Variants in ASIC2 observed in about 807,000 individuals in gnomAD.
ASIC2 encodes the protein acid-sensing ion channel 2.
A neutral mutation model predicts 57.3 loss-of-function variants in ASIC2; 25 were observed. The observed-to-expected ratio is 0.44, with a 90% confidence interval of 0.32 to 0.61. The LOEUF (loss-of-function observed/expected upper bound fraction) is 0.61. Ranked by LOEUF, ASIC2 falls within the 20% of genes least tolerant of loss-of-function variation. ASIC2 has a pLI of 0.06. For synonymous variants in ASIC2, 319 were observed against 307.5 expected, an observed-to-expected ratio of 1.04 and a Z score of -0.39; for missense variants, 641 against 738.1, an observed-to-expected ratio of 0.87 and a Z score of 1.52.
intron 1 of ASIC2, among the ~76,000 whole-genome samples, chr17:33,402,401 G>A (rs901192875): frequency 3.9e-5 from 6 of 152,094 alleles, no homozygotes; most frequent in African/African-American, 1.4e-4. Context: ...TAGGTATTAA[G>A]CCCAGCATCC....
chr17:33,334,343 A>T (rs1008913393), intron 1 of ASIC2, among the ~76,000 whole-genome samples: 7 of 152,186 alleles, frequency 4.6e-5, no homozygotes, highest in Non-Finnish European at 8.8e-5. Context: ...CATCTGTGGG[A>T]TTCAAATTCA....
intron 1 of ASIC2, among the ~76,000 whole-genome samples, chr17:33,450,204 T>C (rs763068202): frequency 2.0e-5 from 3 of 152,264 alleles, no homozygotes; most frequent in Admixed American, 6.5e-5. Context: ...CTGGAACTTA[T>C]GTTTAGGCAC....
chr17:33,103,079 G>A (rs189191026), intron 2 of ASIC2, among the ~76,000 whole-genome samples: 27 of 152,250 alleles, frequency 1.8e-4, no homozygotes, highest in Non-Finnish European at 2.5e-4. Flanking sequence ...CACAGCACCC[G>A]GCCACATATT....
At chr17:33,605,852 C>A (rs769807118) in intron 1 of ASIC2, among the ~76,000 whole-genome samples, 4 of 152,164 alleles carry the variant, frequency 2.6e-5, no homozygotes, top group African/African-American at 4.8e-5. Context: ...ATCCCCCTGT[C>A]TTAGACATAG....
chr17:33,414,660 C>A (rs1910776891), intron 1 of ASIC2, among the ~76,000 whole-genome samples: 1 of 152,184 alleles, frequency 6.6e-6, no homozygotes, highest in South Asian at 2.1e-4. Context: ...TTTTCCAGGA[C>A]TCTGGGAGAG....
rs563254719 is a variant in ASIC2, at chr17:33,629,828, C to T, written c.556-517761G>A. 5.3e-5 allele frequency among the ~76,000 whole-genome samples: 8 copies of T among 152,254 alleles called. No individual in the cohort carries two copies. In the South Asian group the frequency reaches 1.0e-3, roughly 20 times the overall value. On this transcript the variant is annotated intron_variant, in intron 1 of 9. Transcript: ENST00000359872. ...TTCAGTAATATCCCAGGGAGAGAAG[C>T]GGTGACCCTGTAAGGCTGAAGAGCT...
At chr17:33,689,568 T>C (rs1908302127) in intron 1 of ASIC2, among the ~76,000 whole-genome samples, 1 of 147,282 alleles carries the variant, frequency 6.8e-6, no homozygotes, top group South Asian at 2.3e-4. Context: ...TCTGTACCAA[T>C]TTTCTGTGTA....
intron 1 of ASIC2, among the ~76,000 whole-genome samples, chr17:33,617,498 G>A (rs1213650414): frequency 7.0e-6 from 1 of 143,322 alleles, no homozygotes; most frequent in African/African-American, 2.6e-5. Context: ...GGGACTACTG[G>A]AGGGTGGAGG....
At chr17:33,027,626 A>G (rs1743904499) in intron 4 of ASIC2, among the ~76,000 whole-genome samples, 1 of 152,230 alleles carries the variant, frequency 6.6e-6, no homozygotes, top group South Asian at 2.1e-4. Context: ...GTCATACAGT[A>G]AATGAGTGGA....
chr17:33,581,560 C>T (rs573498413), intron 1 of ASIC2: 1 of 151,854 alleles, frequency 6.6e-6, no homozygotes, highest in South Asian at 2.1e-4. Context: ...GTAGGGAAAG[C>T]AGGAATGTAT....
intron 1 of ASIC2, among the ~76,000 whole-genome samples, chr17:33,273,443 C>T (rs1904585457): frequency 6.6e-6 from 1 of 152,182 alleles, no homozygotes; most frequent in African/African-American, 2.4e-5. Flanking sequence ...GTGTACTCAG[C>T]AGAGCTGTCA....
At chr17:33,233,350 G>T (rs866823500) in intron 1 of ASIC2, among the ~76,000 whole-genome samples, 26 of 151,984 alleles carry the variant, frequency 1.7e-4, no homozygotes, top group South Asian at 6.3e-4. Flanking sequence ...GCCCTCATGC[G>T]CTAGGAGGTT....
At chr17:34,029,375 C>CAAAAA (rs60189628) in intron 1 of ASIC2, among the ~76,000 whole-genome samples, 1 of 110,458 alleles carries the variant, frequency 9.1e-6, no homozygotes, top group Admixed American at 9.3e-5. Flanking sequence ...GTGCTAAAAC[C>CAAAAA]AAAAAAAAAA....
At chr17:34,014,044 C>T (rs1402671380) in intron 1 of ASIC2, among the ~76,000 whole-genome samples, 2 of 152,194 alleles carry the variant, frequency 1.3e-5, no homozygotes, top group East Asian at 1.9e-4. Flanking sequence ...GGAGTCTCCC[C>T]TTCCTTTTCT....
intron 1 of ASIC2, among the ~76,000 whole-genome samples, chr17:33,423,092 G>C: frequency 6.6e-6 from 1 of 152,168 alleles, no homozygotes. Flanking sequence ...ACTGTTGGGG[G>C]CTCGCACCAG....
chr17:33,380,422 T>C (rs1909446300), intron 1 of ASIC2, among the ~76,000 whole-genome samples: 1 of 152,182 alleles, frequency 6.6e-6, no homozygotes. Flanking sequence ...GCTATTTAAA[T>C]TCTATCTTTG....
intron 1 of ASIC2, among the ~76,000 whole-genome samples, chr17:33,150,848 T>A (rs1262381976): frequency 1.9e-4 from 1 of 5,394 alleles, no homozygotes; most frequent in Non-Finnish European, 2.8e-4. Flanking sequence ...AGACTCCGTC[T>A]CAAAAAAAAA....
At chr17:33,915,126 C>T (rs778558812) in intron 1 of ASIC2, among the ~76,000 whole-genome samples, 1 of 152,172 alleles carries the variant, frequency 6.6e-6, no homozygotes, top group African/African-American at 2.4e-5. Flanking sequence ...TAAATGGCTC[C>T]ATTTCCTTGA....
intron 1 of ASIC2, among the ~76,000 whole-genome samples, chr17:33,637,379 C>T (rs1171240322): frequency 6.6e-6 from 1 of 152,050 alleles, no homozygotes; most frequent in Non-Finnish European, 1.5e-5. Flanking sequence ...GCTCCCCACC[C>T]TACCTTATGT....
Sources: allele counts gnomAD v4.1 joint callset (sites outside exome capture counted in the v4.1 genomes callset), GRCh38; gene constraint gnomAD v4.1.1; transcripts MANE v1.5; gene names NCBI Gene and HGNC (gene_info 2026-07-23, HGNC 2026-07-21).